The following RERE variants were observed in gnomAD, a reference collection of about 807,000 sequenced individuals.
RERE encodes the protein arginine-glutamic acid dipeptide repeats protein.
In RERE, 40 loss-of-function variants were observed where a neutral mutation model predicts 146.1. The observed-to-expected ratio is 0.27, with a 90% CI of 0.21 to 0.36. The LOEUF (loss-of-function observed/expected upper bound fraction) is 0.36, where lower values mean the gene tolerates loss of function less well. RERE is among the 10% of genes least tolerant of loss of function. RERE has a pLI of 1.00. For missense variants in RERE, 1,933 were observed against 2,138.7 expected (o/e 0.90, Z 1.90); for synonymous variants, 1,003 against 866.0 (o/e 1.16, Z -2.78).
At chr1:8,438,696 T>G (rs1310624565) in intron 11 of RERE, among the ~76,000 whole-genome samples, 1 of 152,188 alleles carries the variant, frequency 6.6e-6, no homozygotes, top group Non-Finnish European at 1.5e-5. Context: ...CCTGAGGTTT[T>G]CGTGGAAAGA....
At chr1:8,614,384 G>C (rs1329140562) in intron 4 of RERE, among the ~76,000 whole-genome samples, 177 bp downstream of exon 4, 1 of 152,102 alleles carries the variant, frequency 6.6e-6, no homozygotes, top group East Asian at 1.9e-4. Flanking sequence ...AACTGTCCTA[G>C]AGGGGTAAGG....
At chr1:8,506,547 T>C (rs1272213928) in intron 8 of RERE, among the ~76,000 whole-genome samples, 1 of 152,246 alleles carries the variant, frequency 6.6e-6, no homozygotes, top group Admixed American at 6.5e-5. Context: ...GAAATCTCTA[T>C]GCACTTCCAA....
chr1:8,639,559 T>C (rs1335219088), intron 2 of RERE, among the ~76,000 whole-genome samples: 1 of 152,226 alleles, frequency 6.6e-6, no homozygotes, highest in African/African-American at 2.4e-5. Context: ...AACTGAGTTA[T>C]ATAACTCCTT....
intron 6 of RERE, among the ~76,000 whole-genome samples, chr1:8,545,661 A>T (rs1325489293): frequency 6.6e-6 from 1 of 150,790 alleles, no homozygotes; most frequent in Non-Finnish European, 1.5e-5. Context: ...TTAATAATAA[A>T]AAATAAATTA....
intron 4 of RERE, among the ~76,000 whole-genome samples, chr1:8,558,799 C>CA (rs1646037138): frequency 7.3e-6 from 1 of 137,810 alleles, no homozygotes; most frequent in African/African-American, 2.7e-5. Flanking sequence ...TTTTCCTTTT[C>CA]TTTTTTTTTT....
chr1:8,785,059 G>A (rs1641235730), intron 1 of RERE, among the ~76,000 whole-genome samples: 1 of 152,170 alleles, frequency 6.6e-6, no homozygotes, highest in Non-Finnish European at 1.5e-5. Context: ...CAAAGTAGGG[G>A]AGTAGAACCA....
At chr1:8,503,545 T>C (rs1645209911) in intron 8 of RERE, among the ~76,000 whole-genome samples, 1 of 152,194 alleles carries the variant, frequency 6.6e-6, no homozygotes, top group Non-Finnish European at 1.5e-5. Context: ...GAAATAGTAT[T>C]ATAGAAGGGA....
intron 10 of RERE, among the ~76,000 whole-genome samples, chr1:8,481,516 G>C (rs1644834384): frequency 1.3e-5 from 2 of 152,152 alleles, no homozygotes; most frequent in Non-Finnish European, 2.9e-5. Flanking sequence ...AAATAAGTGT[G>C]CTTATTAATT....
At chr1:8,374,957 C>T (rs1246821669) in intron 12 of RERE, among the ~76,000 whole-genome samples, 6 of 152,166 alleles carry the variant, frequency 3.9e-5, no homozygotes, top group Non-Finnish European at 8.8e-5. Flanking sequence ...CCTTCTTCTC[C>T]ATGAAGCCTT....
At chr1:8,558,152 T>C (rs1646028874) in intron 4 of RERE, among the ~76,000 whole-genome samples, 1 of 152,236 alleles carries the variant, frequency 6.6e-6, no homozygotes, top group African/African-American at 2.4e-5. Context: ...CTCCAGATAA[T>C]AGAACATCTT....
Position 8,359,867 on chromosome 1 carries a change from C to A in RERE, c.3515G>T (p.Arg1172Leu), listed in dbSNP as rs748558506. The A allele has an allele frequency of 3.7e-6, 6 of 1,612,572 alleles. No homozygotes were observed. Among genetic ancestry groups the A allele is most frequent in the South Asian group, 3.3e-5 (3 of 91,088 alleles). The change falls in exon 19 of 23, where the codon CGC becomes CTC. Residue 1172 changes from arginine (R) to leucine (L), a missense_variant. Physicochemically the swap from Arg to Leu is moderately radical, Grantham distance 102 (BLOSUM62 -2). Coordinates refer to ENST00000400908, the MANE Select transcript of RERE (RefSeq NM_001042681.2). ...CTCTCGGGCTTTCTGCTCAGCCTCG[C>A]GCTTGGCCTTCTCAATGGCCTCCTC... ...KREEAIEKAK[R>L]EAEQKAREER...
At chr1:8,725,068 A>T (rs1639934386) in intron 1 of RERE, among the ~76,000 whole-genome samples, 2 of 152,310 alleles carry the variant, frequency 1.3e-5, no homozygotes, top group South Asian at 2.1e-4. Context: ...TTACTCTGTG[A>T]TTAGAATGAA....
chr1:8,416,487 G>A (rs1570186770), intron 12 of RERE, among the ~76,000 whole-genome samples: 1 of 151,260 alleles, frequency 6.6e-6, no homozygotes, highest in East Asian at 2.0e-4. Flanking sequence ...TCGGGAGGCT[G>A]AGGCAGGAGA....
chr1:8,727,324 TAG>T (rs1639991851), intron 1 of RERE, among the ~76,000 whole-genome samples: 1 of 151,358 alleles, frequency 6.6e-6, no homozygotes, highest in South Asian at 2.1e-4. Context: ...GTATTTTTCA[TAG>T]AGACAGAATT....
At chr1:8,480,128 G>GTTTTTTTTTTTTTTTTTTTTTTTTTTTTT in intron 10 of RERE, among the ~76,000 whole-genome samples, 1 of 135,224 alleles carries the variant, frequency 7.4e-6, no homozygotes, top group Non-Finnish European at 1.6e-5. Flanking sequence ...GCCTTTTTTT[G>GTTTTTTTTTTTTTTTTTTTTTTTTTTTTT]TTTTTTTTTT....
chr1:8,427,029 T>A (rs1303637285), intron 11 of RERE, among the ~76,000 whole-genome samples: 1 of 152,180 alleles, frequency 6.6e-6, no homozygotes, highest in Non-Finnish European at 1.5e-5. Context: ...TTAAAAATTA[T>A]TTATTTATTA....
intron 1 of RERE, among the ~76,000 whole-genome samples, chr1:8,686,341 A>G (rs1639085974): frequency 6.6e-6 from 1 of 152,210 alleles, no homozygotes; most frequent in African/African-American, 2.4e-5. Flanking sequence ...AATTCAACAA[A>G]TATTTATCAG....
chr1:8,596,416 C>A (rs188547863), intron 4 of RERE, among the ~76,000 whole-genome samples: 1 of 152,216 alleles, frequency 6.6e-6, no homozygotes, highest in Non-Finnish European at 1.5e-5. Flanking sequence ...TTCTCAGACA[C>A]AAGTCAGAAT....
chr1:8,743,003 T>C (rs1464518882), intron 1 of RERE, among the ~76,000 whole-genome samples: 5 of 152,152 alleles, frequency 3.3e-5, no homozygotes, highest in Middle Eastern at 3.2e-3. Context: ...AACTCAATCA[T>C]TGTTTAATCC....
Sources: allele counts gnomAD v4.1 joint callset (sites outside exome capture counted in the v4.1 genomes callset), GRCh38; gene constraint gnomAD v4.1.1; transcripts MANE v1.5; gene names NCBI Gene and HGNC (gene_info 2026-07-23, HGNC 2026-07-21).